FAM13C: variants seen among roughly 807,000 people sequenced by gnomAD.
FAM13C encodes family with sequence similarity 13 member C.
A neutral mutation model predicts 73.2 loss-of-function variants in FAM13C; 37 were observed. The observed-to-expected ratio is 0.51, with a 90% CI of 0.39 to 0.67. The LOEUF (loss-of-function observed/expected upper bound fraction) is 0.67, where lower values mean the gene tolerates loss of function less well. FAM13C is among the 30% of genes least tolerant of loss of function. The probability of loss-of-function intolerance (pLI) is 0.00; values close to 1 mark genes in which losing one functional copy is unlikely to be tolerated. For missense variants in FAM13C, 589 were observed against 715.6 expected, an observed-to-expected ratio of 0.82 and a Z score of 2.02; for synonymous variants, 246 against 260.9, an observed-to-expected ratio of 0.94 and a Z score of 0.55.
chr10:59,292,585 T>C (rs1846388665), intron 5 of FAM13C, among the ~76,000 whole-genome samples: 1 of 152,240 alleles, frequency 6.6e-6, no homozygotes, highest in South Asian at 2.1e-4. Context: ...TCAGTAAGTA[T>C]TCACTGAAAA....
chr10:59,263,904 A>G (rs1842762335), intron 9 of FAM13C, 181 bp downstream of exon 9: 3 of 601,732 alleles, frequency 5.0e-6, no homozygotes. Context: ...GAGGTTTATT[A>G]CATGGGGCCA....
At chr10:59,287,457 T>C (rs1215789845) in intron 5 of FAM13C, among the ~76,000 whole-genome samples, 1 of 152,028 alleles carries the variant, frequency 6.6e-6, no homozygotes, top group African/African-American at 2.4e-5. Flanking sequence ...CATTCTTTCT[T>C]TAACTTTACC....
chr10:59,322,183 C>A (rs780128698), intron 4 of FAM13C, among the ~76,000 whole-genome samples: 34 of 148,428 alleles, frequency 2.3e-4, no homozygotes, highest in Admixed American at 4.0e-4. Context: ...ATTTCACAAT[C>A]CCTGTAATAT....
At chr10:59,278,833 T>TACAC (rs3078283) in intron 6 of FAM13C, among the ~76,000 whole-genome samples, 283 of 147,810 alleles carry the variant, frequency 1.9e-3, no homozygotes, top group Non-Finnish European at 3.1e-3. Flanking sequence ...CACATACACA[T>TACAC]ACACACACAC....
chr10:59,292,433 G>A (rs1301637425), intron 5 of FAM13C, among the ~76,000 whole-genome samples: 1 of 152,228 alleles, frequency 6.6e-6, no homozygotes, highest in East Asian at 1.9e-4. Flanking sequence ...CACAGGAGAT[G>A]GCCCACTGGG....
intron 4 of FAM13C, among the ~76,000 whole-genome samples, chr10:59,310,125 C>T (rs1376816485): frequency 1.3e-5 from 2 of 152,168 alleles, no homozygotes; most frequent in Non-Finnish European, 2.9e-5. Context: ...GAATACTTCA[C>T]ATAGAATCAG....
rs551539908 is a variant in FAM13C at position 59,345,307 on chromosome 10, A to C, written c.324+6963T>G. 3.9e-5 allele frequency among the ~76,000 whole-genome samples: 6 copies of C among 152,320 alleles called. No homozygotes were observed. The East Asian group carries it at 9.7e-4, about 25-fold the overall frequency. ...ATGCAATGCGGCCCTGAGTGCTACA[A>C]TACCAAATTATCAAATTCTCCATTG... On this transcript the variant is annotated intron_variant, in intron 3 of 13. Transcript: ENST00000618804.
chr10:59,331,035 C>A (rs1447171189), intron 3 of FAM13C, among the ~76,000 whole-genome samples: 1 of 152,150 alleles, frequency 6.6e-6, no homozygotes, highest in African/African-American at 2.4e-5. Context: ...TGATGACATA[C>A]ATTCATCATT....
intron 4 of FAM13C, among the ~76,000 whole-genome samples, chr10:59,310,987 A>T (rs1329797777): frequency 6.6e-6 from 1 of 152,182 alleles, no homozygotes; most frequent in East Asian, 1.9e-4. Context: ...CCAGTGGCTA[A>T]AACGTGCAAG....
chr10:59,343,599 A>G (rs139587154), intron 3 of FAM13C, among the ~76,000 whole-genome samples: 2 of 152,336 alleles, frequency 1.3e-5, no homozygotes, highest in Non-Finnish European at 1.5e-5. Flanking sequence ...GACAATTAGT[A>G]GAGAATGGAA....
intron 5 of FAM13C, among the ~76,000 whole-genome samples, chr10:59,286,118 A>G (rs925726887): frequency 1.3e-5 from 2 of 152,242 alleles, no homozygotes; most frequent in Non-Finnish European, 2.9e-5. Flanking sequence ...GCAACATGCC[A>G]CAACATGTAT....
At chr10:59,343,968 CTT>C (rs760773172) in intron 3 of FAM13C, among the ~76,000 whole-genome samples, 1 of 135,480 alleles carries the variant, frequency 7.4e-6, no homozygotes, top group African/African-American at 2.8e-5. Context: ...TTTCTTTTTT[CTT>C]TTTTTTTTTG....
rs76754738 is a variant in FAM13C at position 59,329,232 on chromosome 10, G to T, written c.325-5126C>A. ...CCATCTTACTCATTATTTCAACAAA[G>T]AAATAAAATAAATCATGGGAAAACG... is the stretch of plus-strand genomic sequence containing the variant. On this transcript the variant is annotated intron_variant, in intron 3 of 13. Coordinates refer to ENST00000618804, the MANE Select transcript of FAM13C (RefSeq NM_198215.4). Among the ~76,000 whole-genome samples the T allele has an allele frequency of 3.2e-4, 48 of 148,864 alleles. No individual in the cohort carries two copies. In the East Asian group the frequency reaches 9.0e-3, roughly 28 times the overall value.
In FAM13C at chr10:59,283,278, A is replaced by C; in HGVS notation, c.592+85T>G. On this transcript the variant is annotated intron_variant, in intron 6 of 13. Coordinates refer to ENST00000618804, the MANE Select transcript of FAM13C (RefSeq NM_198215.4). Reference sequence around the variant, plus strand: ...GTTGCCCCAGGCACTGTTTTCCCTCAGGGGCTCAGGCTGAGTGTGAACCAG... The same window carrying C: ...GTTGCCCCAGGCACTGTTTTCCCTCCGGGGCTCAGGCTGAGTGTGAACCAG... 3 of 1,422,612 alleles carry C rather than the reference A, an allele frequency of 2.1e-6. No individual in the cohort carries two copies. The Admixed American group carries it at 5.1e-5, about 24-fold the overall frequency. 88.1% of individuals were successfully genotyped at this position (1,422,612 alleles called of 1,614,324 possible).
intron 1 of FAM13C, among the ~76,000 whole-genome samples, chr10:59,359,078 T>C (rs1477566607): frequency 1.3e-5 from 2 of 152,348 alleles, no homozygotes. Flanking sequence ...GCTTCCTATT[T>C]GAACTTTTGC....
At chr10:59,360,369 G>A (rs1202788850) in intron 1 of FAM13C, among the ~76,000 whole-genome samples, 1 of 152,176 alleles carries the variant, frequency 6.6e-6, no homozygotes, top group Non-Finnish European at 1.5e-5. Flanking sequence ...GTAGAAGGAT[G>A]TAGGAATGGG....
At chr10:59,254,226 A>G in intron 11 of FAM13C, 122 bp downstream of exon 11, 1 of 575,598 alleles carries the variant, frequency 1.7e-6, no homozygotes, top group Non-Finnish European at 2.9e-6. Context: ...TTGAAATGAC[A>G]ACTAGCCTTG....
At chr10:59,331,965 A>G (rs1359594937) in intron 3 of FAM13C, among the ~76,000 whole-genome samples, 1 of 152,132 alleles carries the variant, frequency 6.6e-6, no homozygotes, top group Non-Finnish European at 1.5e-5. Flanking sequence ...TAAGTAGGCA[A>G]TGATAAATAG....
intron 4 of FAM13C, among the ~76,000 whole-genome samples, chr10:59,320,207 C>T (rs1202654294): frequency 6.6e-6 from 1 of 152,110 alleles, no homozygotes; most frequent in Non-Finnish European, 1.5e-5. Flanking sequence ...TTAGACTCTT[C>T]CAAAGAAAGC....
Sources: gnomAD v4.1 joint callset for allele counts (sites outside exome capture counted in the v4.1 genomes callset) on GRCh38, gnomAD v4.1.1 for gene constraint, MANE v1.5 for transcripts, NCBI Gene and HGNC (gene_info 2026-07-23, HGNC 2026-07-21) for gene names.